ENTREP2: variants seen among roughly 807,000 people sequenced by gnomAD.
ENTREP2 encodes protein ENTREP2.
chr15:29,502,790 A>C, the ENTREP2 span, among the ~76,000 whole-genome samples: 2 of 152,090 alleles, frequency 1.3e-5, no homozygotes, highest in Admixed American at 6.6e-5. Context: ...GGATTTGAAC[A>C]AAAATTTCTC....
chr15:29,187,496 G>A, the ENTREP2 span, among the ~76,000 whole-genome samples: 4 of 152,094 alleles, frequency 2.6e-5, no homozygotes, highest in South Asian at 2.1e-4. Context: ...GGCTGGTCTC[G>A]AACTCTTGAC....
At chr15:29,358,861 C>G in the ENTREP2 span, among the ~76,000 whole-genome samples, 3 of 152,040 alleles carry the variant, frequency 2.0e-5, no homozygotes, top group African/African-American at 4.8e-5. Context: ...AACTCAATCC[C>G]TTATTTTAAA....
the ENTREP2 span, among the ~76,000 whole-genome samples, chr15:29,586,040 C>T: frequency 6.6e-6 from 1 of 152,044 alleles, no homozygotes; most frequent in Non-Finnish European, 1.5e-5. Context: ...CACTATGATT[C>T]ATAATAGCCA....
the ENTREP2 span, among the ~76,000 whole-genome samples, chr15:29,414,164 AG>A: frequency 1.3e-5 from 2 of 152,220 alleles, no homozygotes; most frequent in Non-Finnish European, 2.9e-5. Flanking sequence ...AGACATCTAC[AG>A]AACTCTCCAC....
At chr15:29,576,396 C>T in the ENTREP2 span, among the ~76,000 whole-genome samples, 19,169 of 152,104 alleles carry the variant, frequency 0.13, 2,117 homozygotes, top group East Asian at 0.47. Flanking sequence ...AGGCATAAAC[C>T]GTGACCTTGG....
the ENTREP2 span, among the ~76,000 whole-genome samples, chr15:29,654,522 C>T: frequency 6.6e-6 from 1 of 151,910 alleles, no homozygotes; most frequent in Non-Finnish European, 1.5e-5. Flanking sequence ...TAAGAACTTA[C>T]ATGAATTTTT....
the ENTREP2 span, among the ~76,000 whole-genome samples, chr15:29,491,266 C>G: frequency 1.4e-4 from 21 of 152,316 alleles, no homozygotes; most frequent in Non-Finnish European, 2.2e-4. Context: ...CTCCACACCT[C>G]CCCGTAAGCA....
At chr15:29,471,501 C>G in the ENTREP2 span, among the ~76,000 whole-genome samples, 2 of 152,156 alleles carry the variant, frequency 1.3e-5, no homozygotes, top group Non-Finnish European at 2.9e-5. Flanking sequence ...GCCGGGATAA[C>G]AGAGAGGCAG....
the ENTREP2 span, among the ~76,000 whole-genome samples, chr15:29,130,148 C>T: frequency 6.6e-6 from 1 of 152,210 alleles, no homozygotes; most frequent in South Asian, 2.1e-4. Context: ...GCTGCCCCCA[C>T]AGCGTGGGGC....
At chr15:29,139,350 C>T in the ENTREP2 span, among the ~76,000 whole-genome samples, 7 of 152,250 alleles carry the variant, frequency 4.6e-5, no homozygotes, top group Non-Finnish European at 8.8e-5. Context: ...GAATCATCCG[C>T]TGTGAGCGGG....
At chr15:29,472,212 C>T in the ENTREP2 span, among the ~76,000 whole-genome samples, 5 of 152,042 alleles carry the variant, frequency 3.3e-5, no homozygotes, top group South Asian at 2.1e-4. Flanking sequence ...ACTCTGGGGA[C>T]GCTTAAATGC....
the ENTREP2 span, among the ~76,000 whole-genome samples, chr15:29,235,815 T>C: frequency 6.6e-6 from 1 of 151,888 alleles, no homozygotes; most frequent in East Asian, 1.9e-4. Context: ...AATACAAACA[T>C]TAGCTGGGCA....
chr15:29,384,149 C>T, the ENTREP2 span, among the ~76,000 whole-genome samples: 579 of 152,308 alleles, frequency 3.8e-3, 3 homozygotes, highest in Non-Finnish European at 6.8e-3. Context: ...CAGAGGACAC[C>T]GGCCTTTCTT....
At chr15:29,294,499 G>A in the ENTREP2 span, among the ~76,000 whole-genome samples, 126 of 152,302 alleles carry the variant, frequency 8.3e-4, 1 homozygote, top group East Asian at 0.022. Context: ...TGAGGCAAAC[G>A]TGTCTCTTTT....
the ENTREP2 span, among the ~76,000 whole-genome samples, chr15:29,474,305 G>A: frequency 6.6e-6 from 1 of 152,132 alleles, no homozygotes; most frequent in Non-Finnish European, 1.5e-5. Flanking sequence ...CCTACCCCAA[G>A]TCTCAGAAAG....
At chr15:29,651,298 C>A in the ENTREP2 span, among the ~76,000 whole-genome samples, 1 of 152,202 alleles carries the variant, frequency 6.6e-6, no homozygotes, top group African/African-American at 2.4e-5. Context: ...ACTTCACCTT[C>A]AAAACCTCTA....
chr15:29,500,584 C>T, the ENTREP2 span, among the ~76,000 whole-genome samples: 47 of 152,130 alleles, frequency 3.1e-4, no homozygotes, highest in African/African-American at 1.1e-3. Flanking sequence ...TCTTTCATAT[C>T]AGAGTTTAAT....
At chr15:29,491,026 G>A in the ENTREP2 span, among the ~76,000 whole-genome samples, 4 of 152,198 alleles carry the variant, frequency 2.6e-5, no homozygotes, top group Non-Finnish European at 5.9e-5. Context: ...GACCCGTGGG[G>A]AGGCGGCTGA....
the ENTREP2 span, among the ~76,000 whole-genome samples, chr15:29,257,914 T>C: frequency 6.6e-6 from 1 of 152,072 alleles, no homozygotes; most frequent in African/African-American, 2.4e-5. Context: ...TTAGGTCACA[T>C]AGAAAGGGCC....
Sources: allele counts gnomAD v4.1 joint callset (sites outside exome capture counted in the v4.1 genomes callset), GRCh38; gene constraint gnomAD v4.1.1; transcripts MANE v1.5; gene names NCBI Gene and HGNC (gene_info 2026-07-23, HGNC 2026-07-21).